Variants in IL17D observed in about 807,000 individuals in gnomAD.
IL17D encodes the protein interleukin-17D.
IL17D carries 10 observed loss-of-function variants against 5.7 expected under a neutral mutation model. The observed-to-expected ratio is 1.75, with a 90% CI of 1.08 to 2.97. IL17D has a LOEUF of 2.97. Among genes scored for constraint, IL17D ranks in the 30% most tolerant of loss-of-function variants. The probability of loss-of-function intolerance (pLI) is 0.00; values close to 1 mark genes in which losing one functional copy is unlikely to be tolerated. For missense variants in IL17D, 354 were observed against 292.7 expected (o/e 1.21, Z -1.53); for synonymous variants, 172 against 141.7 (o/e 1.21, Z -1.52).
At chr13:20,718,329 G>A (rs374580099) in intron 1 of IL17D, among the ~76,000 whole-genome samples, 8 of 152,052 alleles carry the variant, frequency 5.3e-5, no homozygotes, top group Non-Finnish European at 7.4e-5. Flanking sequence ...GTGTGAGCAC[G>A]CAACCTGTCC....
intron 1 of IL17D, among the ~76,000 whole-genome samples, chr13:20,704,524 G>A (rs1170974438): frequency 1.4e-5 from 2 of 138,762 alleles, no homozygotes; most frequent in African/African-American, 5.4e-5. Context: ...GTGGGGTGGG[G>A]TGCGAGGGGC....
chr13:20,715,395 G>A (rs2058671520), intron 1 of IL17D, among the ~76,000 whole-genome samples: 1 of 152,306 alleles, frequency 6.6e-6, no homozygotes, highest in African/African-American at 2.4e-5. Context: ...AAATGTAGAA[G>A]TCCTGGGCCG....
chr13:20,722,202 C>A lies in IL17D; in HGVS notation c.*248C>A, dbSNP rs527265268. 466 of 504,224 alleles carry A rather than the reference C, an allele frequency of 9.2e-4. 1 individual carries two copies. The highest frequency in any genetic ancestry group is 9.2e-4 in the Non-Finnish European group (264 of 287,548). 31.2% of individuals were successfully genotyped at this position (504,224 alleles called of 1,614,324 possible). Reference sequence around the variant, plus strand: ...ATGGGAAACGACCCGGCACGGGCATCCTGTGTGCGGCCCGCATGGAGGGTT... The same window carrying A: ...ATGGGAAACGACCCGGCACGGGCATACTGTGTGCGGCCCGCATGGAGGGTT... On this transcript the variant is annotated 3_prime_UTR_variant, in exon 2 of 2. Coordinates refer to ENST00000682841, the MANE Select transcript of IL17D (RefSeq NM_001385224.1).
chr13:20,713,789 G>A (rs2141390858), intron 1 of IL17D: 1 of 152,362 alleles, frequency 6.6e-6, no homozygotes, highest in East Asian at 1.9e-4. Context: ...AGTGACACAT[G>A]AAAAACTGGC....
In IL17D at chr13:20,720,784, G is replaced by A. The variant is rs537049230; in HGVS notation, c.291-852G>A. Among the ~76,000 whole-genome samples, 367 of 152,186 alleles carry A rather than the reference G, an allele frequency of 2.4e-3. 3 individuals are homozygous for A. Among genetic ancestry groups the A allele is most frequent in the African/African-American group, 8.5e-3 (352 of 41,524 alleles). On this transcript the variant is annotated intron_variant, in intron 1 of 1. Transcript: ENST00000682841. The stretch of plus-strand genomic sequence containing the variant: ...GTTCCGCAAGCACAAGAGGTGGCTG[G>A]GTGCAGTCCTGTGTCAGTCACCGGC...
chr13:20,720,864 C>A (rs1388569330), intron 1 of IL17D, among the ~76,000 whole-genome samples: 1 of 128,228 alleles, frequency 7.8e-6, no homozygotes, highest in Non-Finnish European at 1.7e-5. Flanking sequence ...ACCAGACCAC[C>A]TCCCTCCCAA....
rs1190130225 is a variant in IL17D at position 20,721,761 on chromosome 13, C to T, written c.416C>T (p.Pro139Leu). The T allele has an allele frequency of 1.6e-5, 26 of 1,609,902 alleles. No homozygotes were observed. The highest frequency in any genetic ancestry group is 2.0e-5 in the Non-Finnish European group (24 of 1,179,760). Reference protein sequence around the residue: ...VRFRSAPVYMPTVVLRRTPAC... With the variant: ...VRFRSAPVYMLTVVLRRTPAC... Reference sequence around the variant, plus strand: ...TTCCGCAGCGCCCCTGTCTACATGCCCACCGTCGTCCTGCGCCGCACCCCC... The same window carrying T: ...TTCCGCAGCGCCCCTGTCTACATGCTCACCGTCGTCCTGCGCCGCACCCCC... The change falls in exon 2 of 2, where the codon CCC becomes CTC. Residue 139 changes from proline (P) to leucine (L), a missense_variant. Transcript: ENST00000682841.
chr13:20,715,647 A>T (rs979248266), intron 1 of IL17D, among the ~76,000 whole-genome samples: 1 of 151,890 alleles, frequency 6.6e-6, no homozygotes, highest in African/African-American at 2.4e-5. Flanking sequence ...AGAGCTTCCG[A>T]CTCCTTGGAT....
Position 20,716,127 on chromosome 13 carries a change from T to G in IL17D, c.291-5509T>G. The G allele has an allele frequency of 1.0e-6, 1 of 984,804 alleles. No homozygotes were observed. Among genetic ancestry groups the G allele is most frequent in the Non-Finnish European group, 1.2e-6 (1 of 829,334 alleles). 61.0% of individuals were successfully genotyped at this position (984,804 alleles called of 1,614,324 possible). ...AAATCTTGTTTATGCCGCCTTCTTA[T>G]CTCTTGCAAAGGTTAGTGTTTTTCA... On this transcript the variant is annotated intron_variant, in intron 1 of 1. Coordinates refer to ENST00000682841, the MANE Select transcript of IL17D (RefSeq NM_001385224.1). This position sits in a 1 kb window ranked among gnomAD's most constrained non-coding sequence, Gnocchi z 4.2.
Position 20,709,981 on chromosome 13 carries a change from GC to G in IL17D, c.290+5693del, listed in dbSNP as rs753504719. ...GGCTGGTTTGTGCTCCTGGTGAGGAGCCCAGACCTGGAAAGATGAAGGTATT... is the reference window on the plus strand; with the variant it reads ...GGCTGGTTTGTGCTCCTGGTGAGGAGCCAGACCTGGAAAGATGAAGGTATT... On this transcript the variant is annotated intron_variant, in intron 1 of 1. Coordinates refer to ENST00000682841, the MANE Select transcript of IL17D (RefSeq NM_001385224.1). Among the ~76,000 whole-genome samples the G allele has an allele frequency of 5.3e-4, 81 of 152,108 alleles. 3 individuals carry two copies. Among genetic ancestry groups the G allele is most frequent in the Non-Finnish European group, 1.3e-4 (9 of 68,030 alleles).
intron 1 of IL17D, among the ~76,000 whole-genome samples, chr13:20,719,685 G>A (rs1397045764): frequency 6.6e-6 from 1 of 152,168 alleles, no homozygotes; most frequent in Non-Finnish European, 1.5e-5. Flanking sequence ...TGCTGAGATC[G>A]GAAAATGAAC....
upstream of IL17D, chr13:20,701,854 T>C (rs150258625): frequency 1.3e-5 from 2 of 152,362 alleles, no homozygotes; most frequent in African/African-American, 4.8e-5. Flanking sequence ...ATTTGTGATC[T>C]TTCACAAAAT....
chr13:20,702,300 C>A (rs1036703025), upstream of IL17D: 1 of 152,206 alleles, frequency 6.6e-6, no homozygotes, highest in Non-Finnish European at 1.5e-5. Flanking sequence ...GATTACTAAG[C>A]TCCTTAGTTA....
intron 1 of IL17D, among the ~76,000 whole-genome samples, chr13:20,704,568 G>C (rs1294990992): frequency 6.7e-6 from 1 of 149,742 alleles, no homozygotes; most frequent in African/African-American, 2.5e-5. Flanking sequence ...GGGGCAGTTG[G>C]AGCACTGGGG....
At chr13:20,721,110 G>C (rs372905303) in intron 1 of IL17D, among the ~76,000 whole-genome samples, 1 of 152,220 alleles carries the variant, frequency 6.6e-6, no homozygotes, top group East Asian at 1.9e-4. Flanking sequence ...GAAAGCTCTT[G>C]TCCTTCACTC....
At position 20,721,632 on chromosome 13, in the gene IL17D, G is replaced by C; in HGVS notation, c.291-4G>C. 6.3e-7 allele frequency: 1 copy of C among 1,587,800 alleles called. No homozygotes were observed. The highest frequency in any genetic ancestry group is 8.6e-7 in the Non-Finnish European group (1 of 1,164,522). On this transcript the variant is annotated splice_polypyrimidine_tract_variant and splice_region_variant and intron_variant, in intron 1 of 1. Transcript: ENST00000682841. ...GTGACCTCACCCGTGCTCTCTCCCTGCAGAATCTCCTACGACCCGGCGAGG... is the reference window on the plus strand; with the variant it reads ...GTGACCTCACCCGTGCTCTCTCCCTCCAGAATCTCCTACGACCCGGCGAGG...
chr13:20,703,906 CGGCTCCGGGCGCCGCG>C lies in IL17D; in HGVS notation c.-92_-77del. On this transcript the variant is annotated 5_prime_UTR_variant, in exon 1 of 2. Coordinates refer to ENST00000682841, the MANE Select transcript of IL17D (RefSeq NM_001385224.1). ...CCGCGGGGCGAGGGGAGGCGCCCGC[CGGCTCCGGGCGCCGCG>C]GGCGGGACACGGGCGCGGGGCGCAG... The C allele has an allele frequency of 4.7e-6, 3 of 642,074 alleles. No individual in the cohort carries two copies. The highest frequency in any genetic ancestry group is 5.8e-6 in the Non-Finnish European group (3 of 518,472). The allele number at this position is 642,074 out of a possible 1,614,324, so 39.8% of individuals were successfully genotyped here. A position where few individuals can be genotyped will look rare whatever the true frequency, so the allele number is the denominator to read the frequency against.
intron 1 of IL17D, among the ~76,000 whole-genome samples, chr13:20,704,839 C>T (rs2058578304): frequency 1.3e-5 from 2 of 152,046 alleles, no homozygotes; most frequent in East Asian, 1.9e-4. Context: ...CCTGAGTGCC[C>T]CTGTGGTCCA....
rs918366424 is a variant in IL17D, at chr13:20,722,249, C to A, written c.*295C>A. ...GGTTTGGAAAAGTTCACGGAGGCTC[C>A]CTGAGGAGCCTCTCAGATCGGCTGC... On this transcript the variant is annotated 3_prime_UTR_variant, in exon 2 of 2. Transcript: ENST00000682841. The A allele has an allele frequency of 4.1e-5, 16 of 388,814 alleles. No individual in the cohort carries two copies. The highest frequency in any genetic ancestry group is 6.9e-5 in the Non-Finnish European group (15 of 218,520). The allele number at this position is 388,814 out of a possible 1,614,324, so 24.1% of individuals were successfully genotyped here.
Sources: allele counts gnomAD v4.1 joint callset (sites outside exome capture counted in the v4.1 genomes callset), GRCh38; gene constraint gnomAD v4.1.1; non-coding constraint Gnocchi (gnomAD v3.1); transcripts MANE v1.5; gene names NCBI Gene and HGNC (gene_info 2026-07-23, HGNC 2026-07-21).